The following ANKAR variants were observed in gnomAD, a reference collection of about 807,000 sequenced individuals.
The protein encoded by ANKAR is ankyrin and armadillo repeat-containing protein.
In ANKAR, 136 loss-of-function variants were observed where a neutral mutation model predicts 146.2. That is an observed-to-expected ratio of 0.93 (90% CI 0.81 to 1.07). The LOEUF (loss-of-function observed/expected upper bound fraction) is 1.07. ANKAR is among the 50% of genes least tolerant of loss of function. ANKAR has a pLI of 0.00. For synonymous variants in ANKAR, 500 were observed against 575.8 expected, an observed-to-expected ratio of 0.87 and a Z score of 1.88; for missense variants, 1,567 against 1,679.9, an observed-to-expected ratio of 0.93 and a Z score of 1.18.
Position 189,694,179 on chromosome 2 carries a change from G to A in ANKAR, c.1308-802G>A, listed in dbSNP as rs1027713474. ...TGAGAGGTCGAGGCTGAAGTGACCCGTGATTGCGCCACTGCACTCCAGCCT... is the reference window on the plus strand; with the variant it reads ...TGAGAGGTCGAGGCTGAAGTGACCCATGATTGCGCCACTGCACTCCAGCCT... On this transcript the variant is annotated intron_variant, in intron 5 of 22. Coordinates refer to ENST00000684021, the MANE Select transcript of ANKAR (RefSeq NM_001378068.1). 5.9e-5 allele frequency among the ~76,000 whole-genome samples: 9 copies of A among 152,182 alleles called. No individual in the cohort carries two copies. The South Asian group carries it at 1.7e-3, about 28-fold the overall frequency.
At chr2:189,747,401 AAG>A (rs2044303259), downstream of ANKAR, 1 of 152,096 alleles carries the variant, frequency 6.6e-6, no homozygotes, top group Non-Finnish European at 1.5e-5. Flanking sequence ...AAAATTAAAA[AAG>A]AAAATAAAAC....
intron 10 of ANKAR, among the ~76,000 whole-genome samples, chr2:189,717,811 A>C (rs1351705017): frequency 6.6e-6 from 1 of 152,200 alleles, no homozygotes; most frequent in Non-Finnish European, 1.5e-5. Context: ...GCTGGAAACC[A>C]TCATTCTGAG....
At chr2:189,733,754 C>A (rs1179514942) in intron 17 of ANKAR, among the ~76,000 whole-genome samples, 1 of 151,814 alleles carries the variant, frequency 6.6e-6, no homozygotes, top group Admixed American at 6.6e-5. Context: ...AATTTGCACG[C>A]CTTATTTAAA....
At chr2:189,697,094 T>C (rs1196248683) in intron 7 of ANKAR, among the ~76,000 whole-genome samples, 1 of 151,904 alleles carries the variant, frequency 6.6e-6, no homozygotes, top group Non-Finnish European at 1.5e-5. Context: ...AAGGAAAATA[T>C]AGATAAATTG....
At chr2:189,707,266 A>T (rs898917855) in intron 9 of ANKAR, 120 bp downstream of exon 9, 1 of 494,660 alleles carries the variant, frequency 2.0e-6, no homozygotes, top group Non-Finnish European at 3.3e-6. Context: ...AAAAATCATG[A>T]AATAAACATT....
chr2:189,705,007 T>C lies in ANKAR; in HGVS notation c.1709-16T>C, dbSNP rs1385025611. 6.2e-7 allele frequency: 1 copy of C among 1,612,408 alleles called. No homozygotes were observed. Among genetic ancestry groups the C allele is most frequent in the African/African-American group, 1.3e-5 (1 of 74,976 alleles). On this transcript the variant is annotated splice_polypyrimidine_tract_variant and intron_variant, in intron 7 of 22. Coordinates refer to ENST00000684021, the MANE Select transcript of ANKAR (RefSeq NM_001378068.1). Reference sequence around the variant, plus strand: ...GTAGTGCTGTGATCACTGAAGTAATTGTCCATCCATTCTAGGTCCAACACC... The same window carrying C: ...GTAGTGCTGTGATCACTGAAGTAATCGTCCATCCATTCTAGGTCCAACACC...
At chr2:189,761,618 G>A (rs766875435), downstream of ANKAR, 13 of 1,603,506 alleles carry the variant, frequency 8.1e-6, no homozygotes, top group African/African-American at 1.3e-5. Context: ...AAAAACTCCT[G>A]CAGTCTTAGT....
downstream of ANKAR, among the ~76,000 whole-genome samples, chr2:189,747,872 G>A (rs2044397661): frequency 6.6e-6 from 1 of 152,124 alleles, no homozygotes; most frequent in Non-Finnish European, 1.5e-5. Flanking sequence ...TTTTAGTAGA[G>A]ATGAGGTTTC....
chr2:189,706,529 G>A (rs908857041), intron 8 of ANKAR, among the ~76,000 whole-genome samples: 1 of 152,194 alleles, frequency 6.6e-6, no homozygotes, highest in African/African-American at 2.4e-5. Context: ...CAATGAGGAA[G>A]CTGGGATTTG....
At chr2:189,676,227 T>C (rs767978410) in intron 1 of ANKAR, among the ~76,000 whole-genome samples, 32 of 152,240 alleles carry the variant, frequency 2.1e-4, no homozygotes, top group Non-Finnish European at 1.2e-4. Context: ...TCTTTTGAAT[T>C]CTTTGAAAAG....
chr2:189,717,006 A>T (rs1417931781), intron 10 of ANKAR, among the ~76,000 whole-genome samples: 1 of 152,252 alleles, frequency 6.6e-6, no homozygotes, highest in South Asian at 2.1e-4. Flanking sequence ...AACCTAGGCA[A>T]TACCATTCAG....
intron 7 of ANKAR, among the ~76,000 whole-genome samples, chr2:189,704,550 T>TAC (rs1254325966): frequency 4.5e-4 from 9 of 20,126 alleles, no homozygotes; most frequent in African/African-American, 1.9e-3. Context: ...TTAACATATA[T>TAC]ATATATATAT....
chr2:189,700,289 A>G (rs992378585), intron 7 of ANKAR, among the ~76,000 whole-genome samples: 1 of 152,032 alleles, frequency 6.6e-6, no homozygotes, highest in Non-Finnish European at 1.5e-5. Context: ...TCCTCCGCAC[A>G]CTTCCTGCTT....
At chr2:189,699,562 CATAT>C (rs904654393) in intron 7 of ANKAR, among the ~76,000 whole-genome samples, 1 of 152,126 alleles carries the variant, frequency 6.6e-6, no homozygotes, top group Non-Finnish European at 1.5e-5. Context: ...TGTGCATAAG[CATAT>C]ATATGTCATT....
At chr2:189,748,662 G>A (rs948915328), downstream of ANKAR, among the ~76,000 whole-genome samples, 37 of 152,170 alleles carry the variant, frequency 2.4e-4, no homozygotes, top group African/African-American at 8.4e-4. Flanking sequence ...ATACTAGAAA[G>A]GGATACATAT....
rs138161711 is a variant in ANKAR, at chr2:189,755,898, T to C, written c.*585-5200T>C. Among the ~76,000 whole-genome samples, 65 of 152,326 alleles carry C rather than the reference T, an allele frequency of 4.3e-4. No homozygotes were observed. The East Asian group carries it at 9.3e-3, about 22-fold the overall frequency. On this transcript the variant is annotated intron_variant and NMD_transcript_variant, in intron 18 of 18. Transcript: ENST00000441800. ...AAATTGTATTTAAGGAAAATTAATT[T>C]CCTTGCTGACAGAAGATTTTAAGAG...
chr2:189,719,848 A>G, intron 11 of ANKAR, 35 bp downstream of exon 11: 2 of 1,515,580 alleles, frequency 1.3e-6, no homozygotes, highest in Middle Eastern at 1.9e-4. Flanking sequence ...TTTTTGACTG[A>G]CAATAACTCC....
intron 15 of ANKAR, 26 bp from the exon 16 acceptor site, chr2:189,730,469 T>C: frequency 1.4e-6 from 2 of 1,420,232 alleles, no homozygotes; most frequent in South Asian, 2.5e-5. Flanking sequence ...AAAAAAATAT[T>C]ACCTCACTGG....
intron 12 of ANKAR, among the ~76,000 whole-genome samples, chr2:189,725,647 C>A (rs148996774): frequency 1.3e-5 from 2 of 152,292 alleles, no homozygotes; most frequent in African/African-American, 4.8e-5. Flanking sequence ...GTGGCTCATG[C>A]CTATAATCCC....
Sources: gnomAD v4.1 joint callset for allele counts (sites outside exome capture counted in the v4.1 genomes callset) on GRCh38, gnomAD v4.1.1 for gene constraint, MANE v1.5 for transcripts, NCBI Gene and HGNC (gene_info 2026-07-23, HGNC 2026-07-21) for gene names.